LGSN: variants seen among roughly 807,000 people sequenced by gnomAD.
LGSN encodes lengsin.
LGSN carries 21 observed loss-of-function variants against 19.5 expected under a neutral mutation model. The ratio of observed to expected loss-of-function variants is 1.07; its 90% CI spans 0.76 to 1.55. The LOEUF (loss-of-function observed/expected upper bound fraction) is 1.55, where lower values mean the gene tolerates loss of function less well. LGSN is among the 40% of genes most tolerant of loss of function. The pLI is 0.00. For missense variants in LGSN, 673 were observed against 608.5 expected, an observed-to-expected ratio of 1.11 and a Z score of -1.12; for synonymous variants, 257 against 215.6, an observed-to-expected ratio of 1.19 and a Z score of -1.68.
the LGSN span, among the ~76,000 whole-genome samples, chr6:63,522,955 C>T: frequency 6.6e-6 from 1 of 151,584 alleles, no homozygotes; most frequent in African/African-American, 2.4e-5. Context: ...ACCTCTGCCT[C>T]CCAGGTTCAA....
the LGSN span, among the ~76,000 whole-genome samples, chr6:63,391,710 A>G: frequency 6.6e-6 from 1 of 152,170 alleles, no homozygotes; most frequent in South Asian, 2.1e-4. Context: ...GAGTTCAGTT[A>G]CACTTCATGG....
chr6:63,372,824 A>G, the LGSN span, among the ~76,000 whole-genome samples: 110 of 152,312 alleles, frequency 7.2e-4, 2 homozygotes, highest in African/African-American at 2.6e-3. Flanking sequence ...CCTAACACTA[A>G]GAATATTCAT....
chr6:63,323,089 C>A (rs1202092890), upstream of LGSN, among the ~76,000 whole-genome samples: 1 of 152,132 alleles, frequency 6.6e-6, no homozygotes, highest in Non-Finnish European at 1.5e-5. Flanking sequence ...ATATTTAGCA[C>A]AAGCTTCATA....
the LGSN span, among the ~76,000 whole-genome samples, chr6:63,400,383 G>A: frequency 6.6e-6 from 1 of 152,132 alleles, no homozygotes; most frequent in African/African-American, 2.4e-5. Context: ...ACAGAGATAG[G>A]AATATAGCAG....
chr6:63,485,988 C>T, the LGSN span, among the ~76,000 whole-genome samples: 1 of 152,182 alleles, frequency 6.6e-6, no homozygotes, highest in East Asian at 1.9e-4. Context: ...TTTCAGCCTC[C>T]CAAAGTGCTG....
At chr6:63,335,818 G>T in the LGSN span, among the ~76,000 whole-genome samples, 1 of 152,112 alleles carries the variant, frequency 6.6e-6, no homozygotes, top group East Asian at 1.9e-4. Flanking sequence ...CCACTATTGG[G>T]TATTTATTCA....
the LGSN span, among the ~76,000 whole-genome samples, chr6:63,430,037 A>G: frequency 6.6e-6 from 1 of 152,194 alleles, no homozygotes; most frequent in African/African-American, 2.4e-5. Context: ...CCTACATCTT[A>G]TTGATCAGAA....
At chr6:63,414,574 C>T in the LGSN span, among the ~76,000 whole-genome samples, 1 of 152,188 alleles carries the variant, frequency 6.6e-6, no homozygotes. Flanking sequence ...TAAAATTGTA[C>T]ATATTAAATA....
At chr6:63,550,339 G>A in the LGSN span, 1 of 152,186 alleles carries the variant, frequency 6.6e-6, no homozygotes, top group East Asian at 1.9e-4. Flanking sequence ...TATAAAAGGA[G>A]TTGTGAGAGG....
chr6:63,386,503 C>A, the LGSN span, among the ~76,000 whole-genome samples: 6 of 151,938 alleles, frequency 3.9e-5, no homozygotes, highest in Non-Finnish European at 7.4e-5. Context: ...TTCATATTTC[C>A]AATCTCATTT....
chr6:63,370,247 G>T, the LGSN span, among the ~76,000 whole-genome samples: 2 of 152,190 alleles, frequency 1.3e-5, no homozygotes, highest in Non-Finnish European at 2.9e-5. Context: ...TAACTGACAA[G>T]ATGTGCTGGC....
the LGSN span, chr6:63,395,006 G>A: frequency 6.4e-6 from 1 of 157,392 alleles, no homozygotes; most frequent in South Asian, 1.7e-4. Flanking sequence ...CTTTCTTTCA[G>A]TTCTCCATGC....
At chr6:63,326,581 C>T in the LGSN span, among the ~76,000 whole-genome samples, 1 of 151,816 alleles carries the variant, frequency 6.6e-6, no homozygotes, top group East Asian at 1.9e-4. Context: ...GCTGCAGGTC[C>T]TGAGCCCTCA....
At chr6:63,470,178 A>C in the LGSN span, among the ~76,000 whole-genome samples, 1 of 152,072 alleles carries the variant, frequency 6.6e-6, no homozygotes. Flanking sequence ...GCACGCACTC[A>C]GACTTATGGT....
At chr6:63,553,717 C>A in the LGSN span, among the ~76,000 whole-genome samples, 2 of 151,918 alleles carry the variant, frequency 1.3e-5, no homozygotes, top group African/African-American at 4.8e-5. Flanking sequence ...TGTATAGGAG[C>A]AGGAAAGGTA....
the LGSN span, among the ~76,000 whole-genome samples, chr6:63,499,863 A>T: frequency 1.3e-5 from 2 of 151,350 alleles, no homozygotes; most frequent in African/African-American, 2.5e-5. Context: ...TCCAATTTAC[A>T]TTAAGTCTAG....
At chr6:63,533,165 T>C in the LGSN span, among the ~76,000 whole-genome samples, 1 of 152,198 alleles carries the variant, frequency 6.6e-6, no homozygotes, top group East Asian at 1.9e-4. Context: ...GTGGGTCACT[T>C]GAGGTCACGA....
chr6:63,400,702 CAT>C, the LGSN span, among the ~76,000 whole-genome samples: 1 of 152,114 alleles, frequency 6.6e-6, no homozygotes, highest in African/African-American at 2.4e-5. Context: ...TACAATAAAA[CAT>C]AAATTTCGGC....
At chr6:63,558,661 A>G in the LGSN span, among the ~76,000 whole-genome samples, 1 of 152,262 alleles carries the variant, frequency 6.6e-6, no homozygotes, top group African/African-American at 2.4e-5. Flanking sequence ...TACTGGAAGC[A>G]CATCTTAGGG....
Sources: allele counts gnomAD v4.1 joint callset (sites outside exome capture counted in the v4.1 genomes callset), GRCh38; gene constraint gnomAD v4.1.1; transcripts MANE v1.5; gene names NCBI Gene and HGNC (gene_info 2026-07-23, HGNC 2026-07-21).